CHMP3: variants seen among roughly 807,000 people sequenced by gnomAD.
CHMP3 encodes the protein 25.1 protein.
Under a neutral mutation model 27.4 loss-of-function variants are expected in CHMP3, and 8 were observed. That is an observed-to-expected ratio of 0.29 (90% CI 0.17 to 0.53). The LOEUF (loss-of-function observed/expected upper bound fraction) is 0.53. Among genes scored for constraint, CHMP3 ranks in the 20% least tolerant of loss-of-function variants. The pLI is 0.96. For synonymous variants in CHMP3, 86 were observed against 85.5 expected (o/e 1.01, Z -0.03); for missense variants, 208 against 271.5 (o/e 0.77, Z 1.64).
intron 4 of CHMP3, 47 bp from the exon 5 acceptor site, chr2:86,507,640 C>T: frequency 6.6e-7 from 1 of 1,526,358 alleles, no homozygotes; most frequent in East Asian, 2.3e-5. Context: ...AAATCTGTTC[C>T]CATCAGACAC....
chr2:86,537,375 C>T (rs1334893746), intron 2 of CHMP3, among the ~76,000 whole-genome samples: 1 of 152,138 alleles, frequency 6.6e-6, no homozygotes. Context: ...GTTCACACTT[C>T]GTTTTTTAAC....
At chr2:86,539,260 T>C (rs1244725800) in intron 2 of CHMP3, among the ~76,000 whole-genome samples, 1 of 152,170 alleles carries the variant, frequency 6.6e-6, no homozygotes, top group African/African-American at 2.4e-5. Context: ...TCCCCTTTTT[T>C]GGTATCACCA....
intron 3 of CHMP3, 80 bp downstream of exon 3, chr2:86,529,138 T>C: frequency 7.3e-7 from 1 of 1,376,766 alleles, no homozygotes; most frequent in Non-Finnish European, 9.5e-7. Flanking sequence ...GAGTTGAGTT[T>C]TTCCTATTCA....
chr2:86,520,925 G>GA (rs1458704782), intron 3 of CHMP3, among the ~76,000 whole-genome samples: 1 of 152,186 alleles, frequency 6.6e-6, no homozygotes, highest in East Asian at 1.9e-4. Flanking sequence ...AGTAACTGAA[G>GA]AACCACAAAA....
chr2:86,550,248 C>T (rs570188050), intron 1 of CHMP3, among the ~76,000 whole-genome samples: 9 of 152,334 alleles, frequency 5.9e-5, no homozygotes, highest in East Asian at 1.9e-4. Flanking sequence ...TGGCGGCGCA[C>T]GCCCGCAATC....
chr2:86,546,564 A>G (rs1213326370), intron 1 of CHMP3, among the ~76,000 whole-genome samples: 1 of 151,868 alleles, frequency 6.6e-6, no homozygotes, highest in Non-Finnish European at 1.5e-5. Flanking sequence ...CAGCCTCCCA[A>G]GTAGCTGGGA....
chr2:86,562,847 G>C (rs1677432906), intron 1 of CHMP3: 1 of 157,060 alleles, frequency 6.4e-6, no homozygotes, highest in African/African-American at 2.4e-5. Context: ...ACACAACAGG[G>C]AGGACGGAGA....
At chr2:86,516,146 C>CAAAAA (rs35800757) in intron 3 of CHMP3, among the ~76,000 whole-genome samples, 2 of 83,672 alleles carry the variant, frequency 2.4e-5, no homozygotes, top group Non-Finnish European at 4.2e-5. Flanking sequence ...GACTCCATCT[C>CAAAAA]AAAAAAAAAA....
intron 2 of CHMP3, among the ~76,000 whole-genome samples, chr2:86,534,549 C>G (rs1475128776): frequency 6.6e-6 from 1 of 152,038 alleles, no homozygotes; most frequent in Non-Finnish European, 1.5e-5. Flanking sequence ...GTTGATATAC[C>G]CATTGTTGAC....
chr2:86,514,776 A>C (rs1675232727), intron 3 of CHMP3, among the ~76,000 whole-genome samples: 4 of 152,200 alleles, frequency 2.6e-5, no homozygotes, highest in African/African-American at 7.2e-5. Flanking sequence ...AAAAGACTAG[A>C]GCATTCAAAG....
At position 86,563,416 on chromosome 2, in the gene CHMP3, C is replaced by G. The variant is rs529895755; in HGVS notation, c.-68G>C. 1.3e-6 allele frequency: 2 copies of G among 1,573,900 alleles called. No individual in the cohort carries two copies. Among genetic ancestry groups the G allele is most frequent in the Non-Finnish European group, 1.7e-6 (2 of 1,155,884 alleles). On this transcript the variant is annotated 5_prime_UTR_variant, in exon 1 of 6. Coordinates refer to ENST00000263856, the MANE Select transcript of CHMP3 (RefSeq NM_016079.4). ...CGCGCCCAGGCAGGTCACGGGCAGC[C>G]GCCTGGGCGGGGCCCGCGGAAAAGG...
At chr2:86,544,975 TCCTCACCTCCCAGACGAAGGGC>T (rs1676514350) in intron 1 of CHMP3, among the ~76,000 whole-genome samples, 1 of 106,088 alleles carries the variant, frequency 9.4e-6, no homozygotes, top group Non-Finnish European at 2.2e-5. Context: ...GCAGAGGCGC[TCCTCACCTCCCAGACGAAGGGC>T]GGCCGGGCAG....
chr2:86,531,782 T>C (rs111321489), intron 2 of CHMP3, among the ~76,000 whole-genome samples: 2,367 of 152,350 alleles, frequency 0.016, 31 homozygotes, highest in Middle Eastern at 0.044. Flanking sequence ...AACAGACACA[T>C]AGTTTTTCTG....
Position 86,510,534 on chromosome 2 carries a change from C to G in CHMP3, c.287-55G>C, listed in dbSNP as rs544677102. On this transcript the variant is annotated intron_variant, in intron 3 of 5. Coordinates refer to ENST00000263856, the MANE Select transcript of CHMP3 (RefSeq NM_016079.4). Reference sequence around the variant, plus strand: ...TTCAACAGGATGGAATAGAGAGAGACAGCCAAATTATGAGCCATTCCAATA... The same window carrying G: ...TTCAACAGGATGGAATAGAGAGAGAGAGCCAAATTATGAGCCATTCCAATA... The G allele has an allele frequency of 2.6e-5, 42 of 1,586,744 alleles. No homozygotes were observed. In the South Asian group the frequency reaches 3.8e-4, roughly 14 times the overall value.
chr2:86,520,043 C>G (rs1231142207), intron 3 of CHMP3, among the ~76,000 whole-genome samples: 2 of 152,128 alleles, frequency 1.3e-5, no homozygotes, highest in Admixed American at 6.6e-5. Context: ...TAATGTTAGA[C>G]TAACAAAAGC....
chr2:86,561,323 T>C (rs1677350918), intron 1 of CHMP3, among the ~76,000 whole-genome samples: 1 of 152,222 alleles, frequency 6.6e-6, no homozygotes, highest in Non-Finnish European at 1.5e-5. Context: ...TCCTACCTCA[T>C]AACATTGCAG....
At chr2:86,556,239 C>T (rs760226756) in intron 1 of CHMP3, among the ~76,000 whole-genome samples, 3 of 152,182 alleles carry the variant, frequency 2.0e-5, no homozygotes, top group Non-Finnish European at 4.4e-5. Context: ...AGCTACGTAG[C>T]TCCTCTCCTG....
intron 3 of CHMP3, among the ~76,000 whole-genome samples, chr2:86,519,132 G>T (rs368351749): frequency 7.2e-5 from 11 of 152,114 alleles, no homozygotes; most frequent in African/African-American, 2.7e-4. Context: ...CCAGCACTTA[G>T]GGAGGCCCAG....
intron 3 of CHMP3, among the ~76,000 whole-genome samples, chr2:86,524,357 T>C (rs547666154): frequency 3.1e-4 from 47 of 152,336 alleles, no homozygotes; most frequent in African/African-American, 1.0e-3. Context: ...TGGTCCTCCA[T>C]ATCTGTGGGT....
Sources: gnomAD v4.1 joint callset for allele counts (sites outside exome capture counted in the v4.1 genomes callset) on GRCh38, gnomAD v4.1.1 for gene constraint, MANE v1.5 for transcripts, NCBI Gene and HGNC (gene_info 2026-07-23, HGNC 2026-07-21) for gene names.